The following PTPRE variants were observed in gnomAD, a reference collection of about 807,000 sequenced individuals.
The protein encoded by PTPRE is receptor-type tyrosine-protein phosphatase epsilon.
A neutral mutation model predicts 102.0 loss-of-function variants in PTPRE; 51 were observed. That is an observed-to-expected ratio of 0.50 (90% CI 0.40 to 0.63). The LOEUF (loss-of-function observed/expected upper bound fraction) is 0.63. Among genes scored for constraint, PTPRE ranks in the 30% least tolerant of loss-of-function variants. The probability of loss-of-function intolerance (pLI) is 0.00; values close to 1 mark genes in which losing one functional copy is unlikely to be tolerated. For missense variants in PTPRE, 752 were observed against 915.1 expected (o/e 0.82, Z 2.30); for synonymous variants, 345 against 348.2 (o/e 0.99, Z 0.10).
intron 1 of PTPRE, among the ~76,000 whole-genome samples, chr10:127,916,420 T>C (rs1589723478): frequency 1.3e-5 from 2 of 152,198 alleles, no homozygotes; most frequent in South Asian, 4.1e-4. Flanking sequence ...CCTTCCACCA[T>C]GATTGTCAGT....
At chr10:128,069,529 G>C in intron 12 of PTPRE, 163 bp from the exon 13 acceptor site, 2 of 899,116 alleles carry the variant, frequency 2.2e-6, no homozygotes, top group Non-Finnish European at 3.4e-6. Flanking sequence ...ACTTTACTGA[G>C]ACCACAGCTC....
chr10:128,025,029 C>T (rs1164200338), intron 2 of PTPRE, among the ~76,000 whole-genome samples: 1 of 151,782 alleles, frequency 6.6e-6, no homozygotes, highest in African/African-American at 2.4e-5. Context: ...CATGATGGTG[C>T]ATAACTGTAG....
chr10:127,987,234 A>G (rs892164648), intron 2 of PTPRE: 59 of 866,810 alleles, frequency 6.8e-5, no homozygotes, highest in Middle Eastern at 2.9e-4. Flanking sequence ...AAGAGGAAAT[A>G]GGAACACAGA....
intron 11 of PTPRE, among the ~76,000 whole-genome samples, chr10:128,067,292 GCA>G (rs200785169): frequency 0.023 from 3,032 of 134,394 alleles, 54 homozygotes; most frequent in South Asian, 0.032. Context: ...ACCCACACAC[GCA>G]CAGATGCACA....
At chr10:127,974,984 T>C (rs74159116) in intron 1 of PTPRE, among the ~76,000 whole-genome samples, 1 of 152,034 alleles carries the variant, frequency 6.6e-6, no homozygotes, top group African/African-American at 2.4e-5. Context: ...TGAAGACACA[T>C]AAAGATGGAA....
rs570411475 is a variant in PTPRE, at chr10:127,947,806, T to C, written c.-30-34468T>C. 3.9e-5 allele frequency among the ~76,000 whole-genome samples: 6 copies of C among 152,282 alleles called. No individual in the cohort carries two copies. The East Asian group carries it at 1.2e-3, about 29-fold the overall frequency. On this transcript the variant is annotated intron_variant, in intron 1 of 20. Transcript: ENST00000254667. ...TTCAGTCTACAAGAGAAACTGACAT[T>C]GTCTTGGACCTGTGTAATGGGCAAA...
intron 1 of PTPRE, among the ~76,000 whole-genome samples, chr10:127,973,722 C>T (rs1354199893): frequency 1.3e-5 from 2 of 152,092 alleles, no homozygotes; most frequent in East Asian, 1.9e-4. Flanking sequence ...CTTAGTCTCT[C>T]GCTAATATCC....
At chr10:127,938,685 T>A (rs1314795589) in intron 1 of PTPRE, among the ~76,000 whole-genome samples, 1 of 152,224 alleles carries the variant, frequency 6.6e-6, no homozygotes, top group African/African-American at 2.4e-5. Flanking sequence ...TATTACTTCT[T>A]AATATATATA....
chr10:128,014,228 C>T (rs1193699981), intron 2 of PTPRE, among the ~76,000 whole-genome samples: 1 of 152,212 alleles, frequency 6.6e-6, no homozygotes, highest in African/African-American at 2.4e-5. Flanking sequence ...CGTCCCCTCA[C>T]AGCTGGGGTG....
Position 128,079,544 on chromosome 10 carries a change from C to G in PTPRE, c.1893-16C>G, listed in dbSNP as rs762761269. On this transcript the variant is annotated splice_polypyrimidine_tract_variant and intron_variant, in intron 19 of 20. Transcript: ENST00000254667. ...TGCAAGTCGGATGATCTGCATTAAG[C>G]GCTTTTTCTCTGCAGTGCCGGAGCT... The G allele has an allele frequency of 6.2e-7, 1 of 1,612,486 alleles. No homozygotes were observed. The highest frequency in any genetic ancestry group is 8.5e-7 in the Non-Finnish European group (1 of 1,179,444).
intron 1 of PTPRE, among the ~76,000 whole-genome samples, chr10:127,957,255 T>C (rs1849471156): frequency 6.6e-6 from 1 of 152,198 alleles, no homozygotes; most frequent in African/African-American, 2.4e-5. Flanking sequence ...TTGTGAAGGG[T>C]ATAAAGCCTG....
At chr10:127,949,443 T>C (rs1848856912) in intron 1 of PTPRE, among the ~76,000 whole-genome samples, 1 of 152,210 alleles carries the variant, frequency 6.6e-6, no homozygotes, top group Non-Finnish European at 1.5e-5. Context: ...TGCTGGAGAC[T>C]CTACTTCTAA....
intron 1 of PTPRE, among the ~76,000 whole-genome samples, chr10:127,974,988 G>A (rs186635545): frequency 1.3e-5 from 2 of 152,298 alleles, no homozygotes; most frequent in Non-Finnish European, 2.9e-5. Context: ...GACACATAAA[G>A]ATGGAAGGGG....
chr10:127,995,281 G>A lies in PTPRE; in HGVS notation c.-8+12985G>A, dbSNP rs150236148. Among the ~76,000 whole-genome samples the A allele has an allele frequency of 6.3e-3, 953 of 152,294 alleles. 9 individuals carry two copies. Among genetic ancestry groups the A allele is most frequent in the Admixed American group, 6.7e-3 (102 of 15,292 alleles). ...TCTGAGGATGAGGGAATTATGAAAG[G>A]CACCGTGTCCACTTGTGAGATAAAC... is the stretch of plus-strand genomic sequence containing the variant. On this transcript the variant is annotated intron_variant, in intron 2 of 20. Transcript: ENST00000254667.
chr10:128,002,268 G>GTGC (rs1196566440), intron 2 of PTPRE, among the ~76,000 whole-genome samples: 2 of 152,198 alleles, frequency 1.3e-5, no homozygotes, highest in Non-Finnish European at 2.9e-5. Context: ...TGACCTCAGG[G>GTGC]TGCTGCGGGC....
chr10:127,966,807 AC>A (rs1326708223), intron 1 of PTPRE, among the ~76,000 whole-genome samples: 1 of 152,100 alleles, frequency 6.6e-6, no homozygotes, highest in Non-Finnish European at 1.5e-5. Context: ...TGACCACGAC[AC>A]CTTTGTCATG....
chr10:128,069,961 C>G, intron 13 of PTPRE, 134 bp downstream of exon 13: 2 of 1,379,786 alleles, frequency 1.4e-6, no homozygotes, highest in South Asian at 1.3e-5. Flanking sequence ...CTTCGCTCCC[C>G]ATAGCCTTCC....
intron 1 of PTPRE, among the ~76,000 whole-genome samples, chr10:127,957,815 A>T (rs1787588537): frequency 6.6e-6 from 1 of 152,220 alleles, no homozygotes; most frequent in African/African-American, 2.4e-5. Flanking sequence ...ACAGTTTTAA[A>T]TTTGTTTATC....
chr10:127,931,646 C>T (rs983251165), intron 1 of PTPRE, among the ~76,000 whole-genome samples: 12 of 152,176 alleles, frequency 7.9e-5, no homozygotes, highest in Non-Finnish European at 1.6e-4. Context: ...CCCTTTGCAT[C>T]GTTACCCAAA....
Sources: gnomAD v4.1 joint callset for allele counts (sites outside exome capture counted in the v4.1 genomes callset) on GRCh38, gnomAD v4.1.1 for gene constraint, MANE v1.5 for transcripts, NCBI Gene and HGNC (gene_info 2026-07-23, HGNC 2026-07-21) for gene names.